SLCO3A1: variants seen among roughly 807,000 people sequenced by gnomAD.
SLCO3A1 encodes solute carrier organic anion transporter family member 3A1, also known as PGE1 transporter.
Under a neutral mutation model 63.1 loss-of-function variants are expected in SLCO3A1, and 27 were observed. The ratio of observed to expected loss-of-function variants is 0.43; its 90% CI spans 0.32 to 0.59. The LOEUF (loss-of-function observed/expected upper bound fraction) is 0.59. Ranked by LOEUF, SLCO3A1 falls within the 20% of genes least tolerant of loss-of-function variation. The probability of loss-of-function intolerance (pLI) is 0.09; values close to 1 mark genes in which losing one functional copy is unlikely to be tolerated. For missense variants in SLCO3A1, 773 were observed against 945.8 expected (o/e 0.82, Z 2.40); for synonymous variants, 473 against 409.9 (o/e 1.15, Z -1.86).
intron 2 of SLCO3A1, among the ~76,000 whole-genome samples, chr15:92,007,485 A>G (rs2046325369): frequency 6.6e-6 from 1 of 152,204 alleles, no homozygotes; most frequent in East Asian, 1.9e-4. Context: ...GGGGGAGAAC[A>G]GAGGAAGAGG....
At chr15:92,103,480 T>G (rs1004421046) in intron 3 of SLCO3A1, among the ~76,000 whole-genome samples, 6 of 151,922 alleles carry the variant, frequency 3.9e-5, no homozygotes, top group African/African-American at 1.5e-4. Flanking sequence ...AAGCTTTGTA[T>G]TAGAGAGCTG....
chr15:92,123,463 ATG>A (rs2047886885), intron 5 of SLCO3A1, among the ~76,000 whole-genome samples: 1 of 152,134 alleles, frequency 6.6e-6, no homozygotes, highest in Non-Finnish European at 1.5e-5. Context: ...TCACAATGAT[ATG>A]GCCAGATTAC....
intron 2 of SLCO3A1, among the ~76,000 whole-genome samples, chr15:92,066,586 C>G (rs996617080): frequency 6.6e-6 from 1 of 152,192 alleles, no homozygotes; most frequent in African/African-American, 2.4e-5. Context: ...TCTATTTACT[C>G]TGTTTGTGTG....
At chr15:92,006,255 C>G (rs530827192) in intron 2 of SLCO3A1, among the ~76,000 whole-genome samples, 1 of 152,268 alleles carries the variant, frequency 6.6e-6, no homozygotes, top group East Asian at 1.9e-4. Flanking sequence ...AGGGCCTGTT[C>G]GCCATCCTGG....
chr15:92,168,871 C>T (rs975089095), downstream of SLCO3A1, among the ~76,000 whole-genome samples: 10 of 152,242 alleles, frequency 6.6e-5, no homozygotes, highest in South Asian at 6.2e-4. Context: ...CACTGTAGCT[C>T]GACTAGAGTT....
chr15:91,874,635 C>T (rs35419421), intron 1 of SLCO3A1, among the ~76,000 whole-genome samples: 27,359 of 152,200 alleles, frequency 0.18, 2,842 homozygotes, highest in Middle Eastern at 0.28. Flanking sequence ...CTTATCCAGT[C>T]GTCTGTCGAT....
At chr15:91,972,508 T>G (rs1361461102) in intron 2 of SLCO3A1, among the ~76,000 whole-genome samples, 2 of 152,148 alleles carry the variant, frequency 1.3e-5, no homozygotes, top group African/African-American at 4.8e-5. Flanking sequence ...AATCTTCTGG[T>G]GGCGCCTTCT....
In SLCO3A1 at chr15:91,866,714, TG is replaced by T. The variant is rs563382653; in HGVS notation, c.180+12634del. On this transcript the variant is annotated intron_variant, in intron 1 of 9. Coordinates refer to ENST00000318445, the MANE Select transcript of SLCO3A1 (RefSeq NM_013272.4). ...TGGCCCTCATGGAGTTGATTTATCG[TG>T]GGGGGGGAGATGACATGTTTATAAT... is the stretch of plus-strand genomic sequence containing the variant. 5.3e-5 allele frequency among the ~76,000 whole-genome samples: 8 copies of T among 151,040 alleles called. No individual in the cohort carries two copies. In the South Asian group the frequency reaches 8.4e-4, roughly 16 times the overall value.
intron 2 of SLCO3A1, among the ~76,000 whole-genome samples, chr15:92,036,649 A>T (rs746150623): frequency 1.3e-5 from 2 of 152,098 alleles, no homozygotes; most frequent in East Asian, 3.9e-4. Flanking sequence ...CTGCTATCCA[A>T]TTAAATTTGC....
chr15:91,971,478 G>A (rs557261983), intron 2 of SLCO3A1, among the ~76,000 whole-genome samples: 1 of 149,116 alleles, frequency 6.7e-6, no homozygotes, highest in African/African-American at 2.5e-5. Context: ...TCTATTTGAT[G>A]TCATATTCTT....
At chr15:92,004,770 T>C (rs962290687) in intron 2 of SLCO3A1, among the ~76,000 whole-genome samples, 2 of 152,172 alleles carry the variant, frequency 1.3e-5, no homozygotes, top group Non-Finnish European at 2.9e-5. Context: ...AATGCATTAG[T>C]CCCGACTGAA....
chr15:91,896,438 C>A (rs1447985273), intron 1 of SLCO3A1, among the ~76,000 whole-genome samples: 2 of 152,232 alleles, frequency 1.3e-5, no homozygotes, highest in Non-Finnish European at 2.9e-5. Flanking sequence ...GTTGTGTCCC[C>A]ATCCAAATCT....
intron 2 of SLCO3A1, among the ~76,000 whole-genome samples, chr15:92,005,271 C>T (rs1159130333): frequency 6.6e-6 from 1 of 152,326 alleles, no homozygotes; most frequent in Non-Finnish European, 1.5e-5. Context: ...CTTATGGAAA[C>T]CATCTGCTGG....
chr15:91,957,075 TACTATATAGTA>T (rs1900241823), intron 2 of SLCO3A1, among the ~76,000 whole-genome samples: 1 of 7,156 alleles, frequency 1.4e-4, no homozygotes, highest in African/African-American at 6.3e-4. Context: ...ATTATATATA[TACTATATAGTA>T]TATATAATAT....
intron 1 of SLCO3A1, among the ~76,000 whole-genome samples, chr15:91,881,093 A>C (rs1897571714): frequency 6.6e-6 from 1 of 152,172 alleles, no homozygotes; most frequent in Non-Finnish European, 1.5e-5. Context: ...TTCTCTTACA[A>C]GAATTGATGG....
At chr15:92,010,644 C>A (rs2046359157) in intron 2 of SLCO3A1, among the ~76,000 whole-genome samples, 1 of 152,112 alleles carries the variant, frequency 6.6e-6, no homozygotes, top group East Asian at 1.9e-4. Context: ...TTAAATTTTT[C>A]TCCTGTAACT....
intron 8 of SLCO3A1, among the ~76,000 whole-genome samples, chr15:92,147,386 T>C (rs944954971): frequency 2.0e-5 from 3 of 151,656 alleles, no homozygotes; most frequent in Non-Finnish European, 4.4e-5. Context: ...ACTTTCATGT[T>C]CTCCCAGAAA....
At chr15:91,864,861 GTTGT>G (rs1477065829) in intron 1 of SLCO3A1, among the ~76,000 whole-genome samples, 3 of 152,144 alleles carry the variant, frequency 2.0e-5, no homozygotes, top group Non-Finnish European at 1.5e-5. Flanking sequence ...TCACGTCCTG[GTTGT>G]TTGTTTTCTT....
At chr15:91,962,847 G>T (rs1900501332) in intron 2 of SLCO3A1, among the ~76,000 whole-genome samples, 1 of 152,290 alleles carries the variant, frequency 6.6e-6, no homozygotes. Context: ...CTGGAGCCGG[G>T]TACAGGGAGA....
Sources: allele counts gnomAD v4.1 joint callset (sites outside exome capture counted in the v4.1 genomes callset), GRCh38; gene constraint gnomAD v4.1.1; transcripts MANE v1.5; gene names NCBI Gene and HGNC (gene_info 2026-07-23, HGNC 2026-07-21).